Variants in ADGRV1 observed in about 807,000 individuals in gnomAD.
ADGRV1 encodes the protein G-protein coupled receptor 98.
In ADGRV1, 359 loss-of-function variants were observed where a neutral mutation model predicts 596.2. The ratio of observed to expected loss-of-function variants is 0.60; its 90% CI spans 0.55 to 0.66. The LOEUF (loss-of-function observed/expected upper bound fraction) is 0.66, where lower values mean the gene tolerates loss of function less well. Ranked by LOEUF, ADGRV1 falls within the 30% of genes least tolerant of loss-of-function variation. The probability of loss-of-function intolerance (pLI) is 0.00; values close to 1 mark genes in which losing one functional copy is unlikely to be tolerated. For synonymous variants in ADGRV1, 2,681 were observed against 2,679.2 expected (o/e 1.00, Z -0.02); for missense variants, 7,274 against 7,575.6 (o/e 0.96, Z 1.48).
At chr5:91,079,948 G>C (rs1300739030) in intron 86 of ADGRV1, among the ~76,000 whole-genome samples, 1 of 152,090 alleles carries the variant, frequency 6.6e-6, no homozygotes, top group African/African-American at 2.4e-5. Context: ...GCACCTTGGT[G>C]GTCCACATCA....
At chr5:91,008,112 A>C (rs1297810254) in intron 85 of ADGRV1, among the ~76,000 whole-genome samples, 1 of 152,168 alleles carries the variant, frequency 6.6e-6, no homozygotes, top group African/African-American at 2.4e-5. Flanking sequence ...TCAAATATTT[A>C]TCTCTCATAA....
chr5:91,148,316 C>G (rs999321400), intron 87 of ADGRV1, among the ~76,000 whole-genome samples: 4 of 152,198 alleles, frequency 2.6e-5, no homozygotes, highest in African/African-American at 9.6e-5. Context: ...CCTCCCATCA[C>G]AGGCCCGGAG....
rs557033352 is a variant in ADGRV1 at position 91,100,841 on chromosome 5, G to A, written c.18311-1378G>A. Reference sequence around the variant, plus strand: ...CAGCATCCCTTCTGTGATTTCTAACGGCTTATAATCTAAATCTAATCACGA... The same window carrying A: ...CAGCATCCCTTCTGTGATTTCTAACAGCTTATAATCTAAATCTAATCACGA... On this transcript the variant is annotated intron_variant, in intron 86 of 89. Coordinates refer to ENST00000405460, the MANE Select transcript of ADGRV1 (RefSeq NM_032119.4). Among the ~76,000 whole-genome samples the A allele has an allele frequency of 5.3e-5, 8 of 152,134 alleles. No individual in the cohort carries two copies. The South Asian group carries it at 8.3e-4, about 16-fold the overall frequency.
chr5:90,873,522 G>A (rs1378612238), intron 83 of ADGRV1, among the ~76,000 whole-genome samples: 1 of 152,032 alleles, frequency 6.6e-6, no homozygotes, highest in Non-Finnish European at 1.5e-5. Context: ...GTTTATTCTC[G>A]CTCTTCTGCA....
chr5:90,815,563 G>C, intron 74 of ADGRV1, 56 bp from the exon 75 acceptor site: 3 of 962,690 alleles, frequency 3.1e-6, no homozygotes, highest in South Asian at 2.9e-5. Flanking sequence ...AGTGGAGCAT[G>C]GGAGGTCTTT....
intron 83 of ADGRV1, among the ~76,000 whole-genome samples, chr5:90,892,721 A>G (rs377719544): frequency 1.3e-5 from 2 of 152,186 alleles, no homozygotes; most frequent in East Asian, 3.8e-4. Context: ...ATGAGTTTGT[A>G]TATTCTTGAA....
intron 50 of ADGRV1, among the ~76,000 whole-genome samples, chr5:90,739,647 T>C (rs1753709380): frequency 6.6e-6 from 1 of 152,178 alleles, no homozygotes; most frequent in South Asian, 2.1e-4. Flanking sequence ...TGCCTGGGCG[T>C]AGTAATTGCC....
chr5:90,812,371 T>A (rs1762519058), intron 74 of ADGRV1, among the ~76,000 whole-genome samples: 1 of 152,228 alleles, frequency 6.6e-6, no homozygotes. Context: ...ATTGTACATA[T>A]TTAGAGGGTA....
intron 53 of ADGRV1, among the ~76,000 whole-genome samples, chr5:90,752,307 T>A (rs1274143829): frequency 1.3e-5 from 2 of 152,186 alleles, no homozygotes; most frequent in African/African-American, 4.8e-5. Flanking sequence ...TTTTTTTAAC[T>A]TTTATTTTAA....
chr5:90,791,124 C>T lies in ADGRV1; in HGVS notation c.14295C>T (p.Ala4765=), dbSNP rs1353239558. ...YANDDPHGVF[A]LYSDRQSILI... ...ATGATGACCCACATGGAGTATTTGC[C>T]CTGTATTCGGATCGCCAGTCAATAC... The change falls in exon 70 of 90, where the codon GCC becomes GCT. Residue 4765 remains alanine (A), a synonymous_variant. Coordinates refer to ENST00000405460, the MANE Select transcript of ADGRV1 (RefSeq NM_032119.4). The T allele has an allele frequency of 6.2e-7, 1 of 1,613,708 alleles. No individual in the cohort carries two copies. The highest frequency in any genetic ancestry group is 1.3e-5 in the African/African-American group (1 of 74,888).
chr5:90,722,902 C>T (rs1359828863), intron 45 of ADGRV1, among the ~76,000 whole-genome samples: 1 of 151,880 alleles, frequency 6.6e-6, no homozygotes, highest in Non-Finnish European at 1.5e-5. Flanking sequence ...GAAGGTTCAA[C>T]TTGAATGGCT....
intron 85 of ADGRV1, among the ~76,000 whole-genome samples, chr5:91,065,909 G>T (rs140886254): frequency 1.3e-5 from 2 of 152,248 alleles, no homozygotes; most frequent in Non-Finnish European, 2.9e-5. Flanking sequence ...AATTAGAATT[G>T]TCTGTAGGTT....
chr5:90,802,333 A>C (rs1271386410), intron 70 of ADGRV1, among the ~76,000 whole-genome samples: 1 of 152,160 alleles, frequency 6.6e-6, no homozygotes, highest in Non-Finnish European at 1.5e-5. Flanking sequence ...CTCCTGCCTC[A>C]GCCTCCCAAG....
chr5:90,706,735 A>G (rs989080296), intron 38 of ADGRV1, among the ~76,000 whole-genome samples: 1 of 151,758 alleles, frequency 6.6e-6, no homozygotes, highest in Non-Finnish European at 1.5e-5. Flanking sequence ...ATTAGTAAAA[A>G]AAAAAAAAAA....
At chr5:90,795,324 G>A (rs945718736) in intron 70 of ADGRV1, among the ~76,000 whole-genome samples, 3 of 152,126 alleles carry the variant, frequency 2.0e-5, no homozygotes, top group Non-Finnish European at 1.5e-5. Context: ...GGGGAGGAGC[G>A]TCCACCATGG....
intron 3 of ADGRV1, 33 bp downstream of exon 3, chr5:90,617,986 A>G (rs1056438291): frequency 5.2e-5 from 77 of 1,485,052 alleles, no homozygotes; most frequent in Non-Finnish European, 6.8e-5. Flanking sequence ...TAAAAATTAT[A>G]AGGAGGACTT....
chr5:90,873,614 T>G (rs1039894507), intron 83 of ADGRV1, among the ~76,000 whole-genome samples: 3 of 152,092 alleles, frequency 2.0e-5, no homozygotes, highest in Non-Finnish European at 4.4e-5. Context: ...AGTATAGATT[T>G]CTTTACAAAA....
At chr5:90,732,943 T>C (rs1265580459) in intron 50 of ADGRV1, among the ~76,000 whole-genome samples, 1 of 152,186 alleles carries the variant, frequency 6.6e-6, no homozygotes, top group Non-Finnish European at 1.5e-5. Context: ...TCAGCAGTAG[T>C]GAGATAGAGA....
chr5:90,855,741 C>T lies in ADGRV1; in HGVS notation c.17595C>T (p.Ser5865=). The change falls in exon 82 of 90, where the codon AGC becomes AGT. Residue 5865 remains serine, a splice_region_variant and synonymous_variant. Transcript: ENST00000405460. ...LCLLWNQAAA[S]WLSDSQFCKV... is the part of the protein sequence containing the mutation. ...AATGACTATTGTGTTTTTGCCCTAG[C>T]TGGTTGTCTGACAGTCAGTTTTGCA... 6.4e-7 allele frequency: 1 copy of T among 1,564,004 alleles called. No homozygotes were observed. Among genetic ancestry groups the T allele is most frequent in the South Asian group, 1.2e-5 (1 of 81,130 alleles).
Sources: allele counts gnomAD v4.1 joint callset (sites outside exome capture counted in the v4.1 genomes callset), GRCh38; gene constraint gnomAD v4.1.1; transcripts MANE v1.5; gene names NCBI Gene and HGNC (gene_info 2026-07-23, HGNC 2026-07-21).